Variants in THRB observed in about 807,000 individuals in gnomAD.
THRB encodes the protein nuclear receptor subfamily 1 group A member 2.
In THRB, 12 loss-of-function variants were observed where a neutral mutation model predicts 47.8. The observed-to-expected ratio is 0.25, with a 90% confidence interval of 0.16 to 0.41. The LOEUF (loss-of-function observed/expected upper bound fraction) is 0.41. Ranked by LOEUF, THRB falls within the 10% of genes least tolerant of loss-of-function variation. THRB has a pLI of 1.00. For synonymous variants in THRB, 218 were observed against 212.2 expected, an observed-to-expected ratio of 1.03 and a Z score of -0.24; for missense variants, 348 against 589.2, an observed-to-expected ratio of 0.59 and a Z score of 4.24.
chr3:24,143,055 T>C (rs777829259), intron 8 of THRB, among the ~76,000 whole-genome samples: 1 of 152,186 alleles, frequency 6.6e-6, no homozygotes, highest in Non-Finnish European at 1.5e-5. Flanking sequence ...AATTTTGACT[T>C]CTGTTGACAT....
In THRB at chr3:24,190,240, C is replaced by T; in HGVS notation, c.117G>A (p.Arg39=). The change falls in exon 5 of 11, where the codon AGG becomes AGA. Residue 39 remains arginine (R), a synonymous_variant. Transcript: ENST00000646209. ...TGCTGCGCCTCTCTGAATGGCTCTTCCTATGTAGGCAGGCTTCAGACATTC... is the reference window on the plus strand; with the variant it reads ...TGCTGCGCCTCTCTGAATGGCTCTTTCTATGTAGGCAGGCTTCAGACATTC... ...LVGMSEACLH[R]KSHSERRSTL... is the part of the protein sequence containing the mutation. The T allele has an allele frequency of 1.9e-6, 3 of 1,614,060 alleles. No individual in the cohort carries two copies. Among genetic ancestry groups the T allele is most frequent in the Non-Finnish European group, 2.5e-6 (3 of 1,179,986 alleles).
intron 10 of THRB, among the ~76,000 whole-genome samples, chr3:24,123,530 G>A (rs1269734243): frequency 6.6e-6 from 1 of 152,160 alleles, no homozygotes; most frequent in Non-Finnish European, 1.5e-5. Flanking sequence ...ATGCATAGAA[G>A]GGGGAGATAT....
intron 1 of THRB, among the ~76,000 whole-genome samples, chr3:24,407,927 C>T (rs571974199): frequency 4.0e-5 from 6 of 151,814 alleles, no homozygotes; most frequent in Admixed American, 6.6e-5. Context: ...TAAAATATAT[C>T]GAAAATATTT....
At chr3:24,287,656 T>C (rs565045173) in intron 3 of THRB, among the ~76,000 whole-genome samples, 1 of 152,300 alleles carries the variant, frequency 6.6e-6, no homozygotes, top group African/African-American at 2.4e-5. Flanking sequence ...TTCTAGAGAA[T>C]GTTTGAGAAT....
intron 3 of THRB, among the ~76,000 whole-genome samples, chr3:24,237,768 C>CA (rs2049021728): frequency 6.6e-6 from 1 of 152,120 alleles, no homozygotes; most frequent in Non-Finnish European, 1.5e-5. Context: ...TCTGGGGCTA[C>CA]AAGCAGAGTA....
chr3:24,490,260 G>A (rs1174901881), intron 1 of THRB, among the ~76,000 whole-genome samples: 1 of 152,138 alleles, frequency 6.6e-6, no homozygotes, highest in African/African-American at 2.4e-5. Context: ...AATAAAACAA[G>A]GAGTTAACTT....
At chr3:24,362,724 A>G (rs1165586238) in intron 1 of THRB, among the ~76,000 whole-genome samples, 3 of 152,212 alleles carry the variant, frequency 2.0e-5, no homozygotes, top group African/African-American at 7.2e-5. Flanking sequence ...AATCCTCACA[A>G]CAACCATAAG....
chr3:24,425,416 T>A (rs995205878), intron 1 of THRB, among the ~76,000 whole-genome samples: 6 of 151,942 alleles, frequency 3.9e-5, no homozygotes, highest in African/African-American at 1.4e-4. Context: ...ATTTGTCCAT[T>A]TTTAAAAAAA....
intron 1 of THRB, among the ~76,000 whole-genome samples, chr3:24,361,448 A>C (rs1278297476): frequency 6.6e-6 from 1 of 152,102 alleles, no homozygotes; most frequent in Non-Finnish European, 1.5e-5. Context: ...GCAATGCCTA[A>C]ATATGCCAAC....
intron 3 of THRB, among the ~76,000 whole-genome samples, chr3:24,258,442 G>A (rs1434729678): frequency 2.0e-5 from 3 of 152,240 alleles, no homozygotes; most frequent in Admixed American, 2.0e-4. Context: ...CCAGTCCTGC[G>A]CCAAGCTGCC....
intron 1 of THRB, among the ~76,000 whole-genome samples, chr3:24,492,406 G>T (rs1698287062): frequency 6.6e-6 from 1 of 152,180 alleles, no homozygotes; most frequent in Non-Finnish European, 1.5e-5. Context: ...GGTCTGAAAA[G>T]GAATGAGGGA....
At chr3:24,277,186 C>T (rs1463434357) in intron 3 of THRB, among the ~76,000 whole-genome samples, 2 of 152,070 alleles carry the variant, frequency 1.3e-5, no homozygotes, top group African/African-American at 2.4e-5. Flanking sequence ...CAATTTTGCA[C>T]CTTCCATCCC....
In THRB at chr3:24,469,747, C is replaced by T. The variant is rs115521353; in HGVS notation, c.-261+24905G>A. 9.5e-3 allele frequency among the ~76,000 whole-genome samples: 1,440 copies of T among 152,220 alleles called. 21 individuals are homozygous for T. The highest frequency in any genetic ancestry group is 0.033 in the African/African-American group (1,357 of 41,536). ...TTATTTAGAGAAAAGTGTTGAAGAG[C>T]AACAAACTATGAGCGCGTGGTAAAG... On this transcript the variant is annotated intron_variant, in intron 1 of 10. Coordinates refer to ENST00000646209, the MANE Select transcript of THRB (RefSeq NM_001354712.2).
intron 1 of THRB, among the ~76,000 whole-genome samples, chr3:24,485,558 G>A (rs972242935): frequency 5.9e-5 from 9 of 152,090 alleles, no homozygotes; most frequent in Non-Finnish European, 1.2e-4. Context: ...CTGATTTGCT[G>A]AACATTCTTA....
intron 2 of THRB, among the ~76,000 whole-genome samples, chr3:24,336,527 C>T (rs187665831): frequency 6.6e-6 from 1 of 152,296 alleles, no homozygotes; most frequent in African/African-American, 2.4e-5. Context: ...TAAACTGAAA[C>T]TGTGTTGTTA....
chr3:24,298,516 T>C (rs1012658727), intron 2 of THRB, among the ~76,000 whole-genome samples: 1 of 152,240 alleles, frequency 6.6e-6, no homozygotes, highest in Non-Finnish European at 1.5e-5. Flanking sequence ...CATTTGTTTA[T>C]GATTATTTTA....
At chr3:24,409,972 T>C (rs926717793) in intron 1 of THRB, among the ~76,000 whole-genome samples, 2 of 151,876 alleles carry the variant, frequency 1.3e-5, no homozygotes, top group Non-Finnish European at 2.9e-5. Flanking sequence ...TGAGGTGAGG[T>C]AAATGCCAAT....
chr3:24,210,829 G>A (rs940330264), intron 4 of THRB, among the ~76,000 whole-genome samples: 4 of 152,216 alleles, frequency 2.6e-5, no homozygotes, highest in Non-Finnish European at 5.9e-5. Flanking sequence ...CACTAATTGA[G>A]TGGAAAGTCA....
At chr3:24,185,250 G>A (rs572754093) in intron 5 of THRB, among the ~76,000 whole-genome samples, 5 of 152,180 alleles carry the variant, frequency 3.3e-5, no homozygotes, top group Middle Eastern at 3.4e-3. Flanking sequence ...TAATGACATG[G>A]GAAAATGTTC....
Sources: allele counts gnomAD v4.1 joint callset (sites outside exome capture counted in the v4.1 genomes callset), GRCh38; gene constraint gnomAD v4.1.1; transcripts MANE v1.5; gene names NCBI Gene and HGNC (gene_info 2026-07-23, HGNC 2026-07-21).